Variants in TET3 observed in about 807,000 individuals in gnomAD.
TET3 encodes the protein tet methylcytosine dioxygenase 3, also known as methylcytosine dioxygenase TET3.
In TET3, 19 loss-of-function variants were observed where a neutral mutation model predicts 141.4. The observed-to-expected ratio is 0.13, with a 90% CI of 0.09 to 0.20. TET3 has a LOEUF of 0.20. Among genes scored for constraint, TET3 ranks in the 10% least tolerant of loss-of-function variants. The probability of loss-of-function intolerance (pLI) is 1.00; values close to 1 mark genes in which losing one functional copy is unlikely to be tolerated. For synonymous variants in TET3, 1,043 were observed against 980.9 expected, an observed-to-expected ratio of 1.06 and a Z score of -1.18; for missense variants, 1,874 against 2,356.9, an observed-to-expected ratio of 0.80 and a Z score of 4.24.
At chr2:74,012,284 G>T (rs1265567662) in intron 3 of TET3, among the ~76,000 whole-genome samples, 8 of 152,198 alleles carry the variant, frequency 5.3e-5, no homozygotes, top group Non-Finnish European at 1.2e-4. Context: ...ATTAGTCATT[G>T]TTAACCGGAG....
chr2:74,059,335 C>A (rs540991079), intron 4 of TET3, among the ~76,000 whole-genome samples: 1 of 152,240 alleles, frequency 6.6e-6, no homozygotes, highest in Admixed American at 6.5e-5. Context: ...TTACTGCAAC[C>A]TTCGCCTCCC....
intron 5 of TET3, among the ~76,000 whole-genome samples, chr2:74,076,941 C>A (rs550952292): frequency 6.6e-6 from 1 of 152,158 alleles, no homozygotes; most frequent in African/African-American, 2.4e-5. Flanking sequence ...TAAAATGTCC[C>A]AACTTATTTA....
rs377012712 is a variant in TET3, at chr2:74,096,669, G to C, written c.3268-2607G>C. On this transcript the variant is annotated intron_variant, in intron 10 of 11. Transcript: ENST00000409262. ...TGTAATCCCAGCTACTGGGGAGGCT[G>C]AGGCAGGAGAATCGCTTGAACCCGG... Among the ~76,000 whole-genome samples, 141 of 152,190 alleles carry C rather than the reference G, an allele frequency of 9.3e-4. 1 individual carries two copies. Among genetic ancestry groups the C allele is most frequent in the Non-Finnish European group, 1.5e-3 (99 of 68,022 alleles).
At chr2:74,034,597 CT>C (rs1686929187) in intron 3 of TET3, among the ~76,000 whole-genome samples, 1 of 150,070 alleles carries the variant, frequency 6.7e-6, no homozygotes, top group African/African-American at 2.5e-5. Flanking sequence ...AAAAAAAACC[CT>C]GTTGTAGATT....
intron 3 of TET3, among the ~76,000 whole-genome samples, chr2:74,032,616 G>T (rs1686815491): frequency 6.6e-6 from 1 of 152,054 alleles, no homozygotes; most frequent in Non-Finnish European, 1.5e-5. Flanking sequence ...CTTTTTGCCA[G>T]GCCTCAGATG....
intron 4 of TET3, among the ~76,000 whole-genome samples, chr2:74,059,516 A>T (rs563424381): frequency 1.8e-4 from 27 of 152,298 alleles, no homozygotes; most frequent in African/African-American, 6.5e-4. Flanking sequence ...TGGCCTCCCA[A>T]AGTGCTAGGA....
At chr2:74,063,621 A>C (rs1188576671) in intron 4 of TET3, among the ~76,000 whole-genome samples, 1 of 152,222 alleles carries the variant, frequency 6.6e-6, no homozygotes, top group Non-Finnish European at 1.5e-5. Flanking sequence ...TAGAAGTAGC[A>C]AATAGAATGT....
At chr2:74,077,790 A>G (rs2103972853) in intron 5 of TET3, among the ~76,000 whole-genome samples, 1 of 152,370 alleles carries the variant, frequency 6.6e-6, no homozygotes. Context: ...TCCTGCGAGG[A>G]ATGCGATAGT....
In TET3 at chr2:74,093,746, G is replaced by C. The variant is rs1312122495; in HGVS notation, c.3267+80G>C. 18 of 1,452,344 alleles carry C rather than the reference G, an allele frequency of 1.2e-5. No individual in the cohort carries two copies. Among genetic ancestry groups the C allele is most frequent in the Non-Finnish European group, 1.5e-5 (16 of 1,094,798 alleles). The allele number at this position is 1,452,344 out of a possible 1,614,324, so 90.0% of individuals were successfully genotyped here. ...CACCGTGGTCTTTTCAGAAAGGCAG[G>C]CTGAGGGTAGGGAGGGACCTGGAGA... On this transcript the variant is annotated intron_variant, in intron 10 of 11. Coordinates refer to ENST00000409262, the MANE Select transcript of TET3 (RefSeq NM_001287491.2). The surrounding 1 kb of genome is among the most constrained non-coding windows in gnomAD (Gnocchi z 4.2).
rs1363543192 is a variant in TET3 at position 74,004,007 on chromosome 2, CTG to C, written c.360+844_360+845del. 2.6e-5 allele frequency among the ~76,000 whole-genome samples: 4 copies of C among 152,260 alleles called. No homozygotes were observed. In the East Asian group the frequency reaches 7.7e-4, roughly 29 times the overall value. On this transcript the variant is annotated intron_variant, in intron 3 of 11. Transcript: ENST00000409262. ...CCCCCTTTTCAGGGCTAAGGAGCCACTGTGAGTTTGGGATTACTCAGCAGTAT... is the reference window on the plus strand; with the variant it reads ...CCCCCTTTTCAGGGCTAAGGAGCCACTGAGTTTGGGATTACTCAGCAGTAT...
At chr2:74,098,838 C>G (rs1042771830) in intron 10 of TET3, among the ~76,000 whole-genome samples, 2 of 152,180 alleles carry the variant, frequency 1.3e-5, no homozygotes, top group African/African-American at 4.8e-5. Flanking sequence ...AGGTGATCCA[C>G]CCGCCTTGGC....
At chr2:74,034,322 A>G (rs1300672470) in intron 3 of TET3, among the ~76,000 whole-genome samples, 3 of 151,958 alleles carry the variant, frequency 2.0e-5, no homozygotes, top group African/African-American at 7.2e-5. Context: ...AAAGCATAAT[A>G]ATAAACACAT....
intron 2 of TET3, among the ~76,000 whole-genome samples, chr2:73,993,984 G>C (rs1684456344): frequency 6.6e-6 from 1 of 152,106 alleles, no homozygotes; most frequent in African/African-American, 2.4e-5. Flanking sequence ...CAGATCTGTG[G>C]GTGTGGTGGG....
chr2:74,115,269 A>G, the TET3 span, among the ~76,000 whole-genome samples: 1 of 152,198 alleles, frequency 6.6e-6, no homozygotes, highest in Non-Finnish European at 1.5e-5. Context: ...CAAAAAAACG[A>G]AACAATGCTA....
intron 3 of TET3, among the ~76,000 whole-genome samples, chr2:74,039,366 C>T (rs1687228082): frequency 6.6e-6 from 1 of 152,182 alleles, no homozygotes; most frequent in Non-Finnish European, 1.5e-5. Context: ...CCCACCTGCC[C>T]ACCTGCCCAG....
chr2:74,067,593 A>C (rs1688978123), intron 4 of TET3, among the ~76,000 whole-genome samples: 1 of 152,256 alleles, frequency 6.6e-6, no homozygotes. Context: ...TCAATAATTG[A>C]CATTGTATAC....
At chr2:74,010,202 CACCCTGGCTA>C (rs898513851) in intron 3 of TET3, among the ~76,000 whole-genome samples, 3 of 152,242 alleles carry the variant, frequency 2.0e-5, no homozygotes, top group Non-Finnish European at 4.4e-5. Context: ...GCAGTCTAAA[CACCCTGGCTA>C]GGAGCCAGAA....
chr2:74,012,997 G>GT (rs369187164), intron 3 of TET3, among the ~76,000 whole-genome samples: 4,954 of 135,034 alleles, frequency 0.037, 123 homozygotes, highest in East Asian at 0.11. Flanking sequence ...GTAATGGGGT[G>GT]TTTTTTTTTT....
At chr2:74,121,678 A>T in the TET3 span, 8 of 152,328 alleles carry the variant, frequency 5.3e-5, no homozygotes, top group East Asian at 1.5e-3. Context: ...TCGTTATCAA[A>T]CCCAATATTG....
Sources: allele counts gnomAD v4.1 joint callset (sites outside exome capture counted in the v4.1 genomes callset), GRCh38; gene constraint gnomAD v4.1.1; non-coding constraint Gnocchi (gnomAD v3.1); transcripts MANE v1.5; gene names NCBI Gene and HGNC (gene_info 2026-07-23, HGNC 2026-07-21).